DNAH17: variants seen among roughly 807,000 people sequenced by gnomAD.
DNAH17 encodes axonemal beta dynein heavy chain 17.
DNAH17 carries 376 observed loss-of-function variants against 485.6 expected under a neutral mutation model. The ratio of observed to expected loss-of-function variants is 0.77; its 90% confidence interval spans 0.71 to 0.84. The LOEUF is 0.84. DNAH17 is among the 40% of genes least tolerant of loss of function. DNAH17 has a pLI of 0.00. For synonymous variants in DNAH17, 3,031 were observed against 2,405.9 expected, an observed-to-expected ratio of 1.26 and a Z score of -7.60; for missense variants, 6,370 against 5,839.3, an observed-to-expected ratio of 1.09 and a Z score of -2.96.
chr17:78,479,445 GT>G, intron 50 of DNAH17, 39 bp downstream of exon 50: 1 of 1,572,392 alleles, frequency 6.4e-7, no homozygotes. Context: ...AGAGCCATAG[GT>G]TTTACCGATG....
chr17:78,501,362 G>T lies in DNAH17; in HGVS notation c.5323-18C>A. On this transcript the variant is annotated intron_variant, in intron 34 of 80. Coordinates refer to ENST00000389840, the MANE Select transcript of DNAH17 (RefSeq NM_173628.4). ...CTCTCCACCTGCAGGATGAGCCGGA[G>T]CTCTTGTTGCCAGGTGGAATACAAG... is the stretch of plus-strand genomic sequence containing the variant. 4.4e-6 allele frequency: 7 copies of T among 1,576,412 alleles called. No homozygotes were observed. Among genetic ancestry groups the T allele is most frequent in the Non-Finnish European group, 6.1e-6 (7 of 1,153,350 alleles).
chr17:78,510,134 A>T (rs551016041), intron 27 of DNAH17, among the ~76,000 whole-genome samples: 1 of 152,354 alleles, frequency 6.6e-6, no homozygotes, highest in Non-Finnish European at 1.5e-5. Flanking sequence ...GTGAGCCAAG[A>T]TCGTGCCACT....
chr17:78,532,981 T>C (rs2091281378), intron 19 of DNAH17: 2 of 380,548 alleles, frequency 5.3e-6, no homozygotes, highest in Non-Finnish European at 9.5e-6. Context: ...AGCCCAGAAC[T>C]CCTGGGCTCA....
At chr17:78,567,831 G>A (rs1235226981) in intron 9 of DNAH17, among the ~76,000 whole-genome samples, 1 of 152,180 alleles carries the variant, frequency 6.6e-6, no homozygotes, top group Non-Finnish European at 1.5e-5. Flanking sequence ...TTAGCTGGTT[G>A]TGTGTGTGCA....
intron 1 of DNAH17, among the ~76,000 whole-genome samples, chr17:78,575,771 A>T (rs1038294543): frequency 7.2e-5 from 11 of 152,224 alleles, no homozygotes; most frequent in African/African-American, 2.7e-4. Flanking sequence ...CTGAAGTCCC[A>T]AAGTTTAGGC....
rs145435327 is a variant in DNAH17, at chr17:78,450,691, G to C, written c.10890C>G (p.Ile3630Met). The C allele has an allele frequency of 7.4e-6, 12 of 1,612,864 alleles. No individual in the cohort carries two copies. Among genetic ancestry groups the C allele is most frequent in the African/African-American group, 6.7e-5 (5 of 75,012 alleles). Residue 3630 changes from isoleucine (I) to methionine (M), a missense_variant, in exon 67 of 81, where the codon ATC becomes ATG. By Grantham distance (10) the Ile-to-Met change is conservative (BLOSUM62 1). Coordinates refer to ENST00000389840, the MANE Select transcript of DNAH17 (RefSeq NM_173628.4). Reference protein sequence around the residue: ...LETTKHTASEIEEKVVEAKIT... With the variant: ...LETTKHTASEMEEKVVEAKIT... The stretch of plus-strand genomic sequence containing the variant: ...CCGAGGCAGCTCTGACCTTCTCCTC[G>C]ATCTCGCTGGCTGTGTGCTTGGTGG...
intron 22 of DNAH17, among the ~76,000 whole-genome samples, chr17:78,528,440 G>C (rs975800826): frequency 6.6e-6 from 1 of 152,136 alleles, no homozygotes; most frequent in African/African-American, 2.4e-5. Flanking sequence ...ATTTTTTGTA[G>C]AGACAGGGTT....
At chr17:78,486,945 T>C (rs78526818) in intron 44 of DNAH17, among the ~76,000 whole-genome samples, 4,422 of 150,854 alleles carry the variant, frequency 0.029, 222 homozygotes, top group African/African-American at 0.1. Flanking sequence ...TTACATCATC[T>C]GGACTCCTGA....
intron 18 of DNAH17, among the ~76,000 whole-genome samples, chr17:78,538,330 T>G (rs1386684493): frequency 6.6e-6 from 1 of 152,086 alleles, no homozygotes; most frequent in East Asian, 1.9e-4. Context: ...GGGCTGCAGG[T>G]GCTGCTCTGG....
intron 26 of DNAH17, among the ~76,000 whole-genome samples, chr17:78,512,129 A>G (rs939918855): frequency 6.6e-6 from 1 of 152,150 alleles, no homozygotes; most frequent in African/African-American, 2.4e-5. Context: ...GGACTTAATG[A>G]GAGATGGAGG....
At chr17:78,478,829 G>A (rs775290158) in intron 51 of DNAH17, 196 bp downstream of exon 51, 6 of 538,458 alleles carry the variant, frequency 1.1e-5, no homozygotes, top group South Asian at 5.2e-5. Context: ...CCATCATCAC[G>A]ACCATCACCA....
intron 54 of DNAH17, among the ~76,000 whole-genome samples, chr17:78,472,380 A>C (rs1224633582): frequency 6.6e-6 from 1 of 150,960 alleles, no homozygotes; most frequent in Non-Finnish European, 1.5e-5. Flanking sequence ...CGAGACACGC[A>C]GCAAGGCCTC....
In DNAH17 at chr17:78,439,003, C is replaced by T; in HGVS notation, c.11805+87G>A. ...ACATTTCTGAATGCAAACTCCACAT[C>T]CTGCTTCCTTCCGGGCCTTCTGGCC... is the stretch of plus-strand genomic sequence containing the variant. On this transcript the variant is annotated intron_variant, in intron 73 of 80. Coordinates refer to ENST00000389840, the MANE Select transcript of DNAH17 (RefSeq NM_173628.4). 3 of 1,518,444 alleles carry T rather than the reference C, an allele frequency of 2.0e-6. No individual in the cohort carries two copies. The South Asian group carries it at 3.8e-5, about 19-fold the overall frequency. The allele number at this position is 1,518,444 out of a possible 1,614,324, so 94.1% of individuals were successfully genotyped here.
At chr17:78,444,888 A>G (rs1197171353) in intron 70 of DNAH17, 91 bp from the exon 71 acceptor site, 4 of 1,300,482 alleles carry the variant, frequency 3.1e-6, no homozygotes, top group Non-Finnish European at 4.1e-6. Flanking sequence ...AGGAGAGGCC[A>G]TTACCCTCCG....
intron 80 of DNAH17, 186 bp from the exon 81 acceptor site, chr17:78,424,339 A>T: frequency 1.5e-6 from 1 of 651,892 alleles, no homozygotes; most frequent in Non-Finnish European, 2.5e-6. Context: ...TGTTGTAACT[A>T]CCCCGTCCCG....
In DNAH17 at chr17:78,449,431, C is replaced by T. The variant is rs775406791; in HGVS notation, c.11194G>A (p.Ala3732Thr). 1.2e-5 allele frequency: 18 copies of T among 1,550,404 alleles called. No homozygotes were observed. The South Asian group carries it at 2.1e-4, about 18-fold the overall frequency. Reference protein sequence around the residue: ...LFERDKLIFLAQVTFQVLSMK... With the variant: ...LFERDKLIFLTQVTFQVLSMK... ...GACATTACCTGAAACGTAACTTGTG[C>T]CAGGAAAATGAGTTTGTCCCTCTCG... The change falls in exon 69 of 81, where the codon GCA becomes ACA. Residue 3732 changes from alanine to threonine, a missense_variant. Coordinates refer to ENST00000389840, the MANE Select transcript of DNAH17 (RefSeq NM_173628.4).
chr17:78,567,297 G>A (rs1220907714), intron 9 of DNAH17, 131 bp from the exon 10 acceptor site: 2 of 862,514 alleles, frequency 2.3e-6, no homozygotes, highest in Non-Finnish European at 3.6e-6. Flanking sequence ...CAACCATGGG[G>A]GTGGGAGGAC....
chr17:78,571,778 G>A lies in DNAH17; in HGVS notation c.544C>T (p.Pro182Ser), dbSNP rs758725546. The change falls in exon 4 of 81, where the codon CCC becomes TCC. Residue 182 changes from proline to serine, a missense_variant. By Grantham distance (74) the Pro-to-Ser change is moderately conservative. Transcript: ENST00000389840. ...DGTLESMERI[P>S]SSLDNLLLHA... ...AGGAGCAAGTTGTCCAGTGAAGAGG[G>A]GATCCTGCCCAGTGGAAGGTTGGGG... 1.3e-5 allele frequency: 20 copies of A among 1,584,878 alleles called. No individual in the cohort carries two copies. The South Asian group carries it at 2.1e-4, about 17-fold the overall frequency.
At chr17:78,436,995 A>T (rs1033766281) in intron 74 of DNAH17, among the ~76,000 whole-genome samples, 3 of 152,138 alleles carry the variant, frequency 2.0e-5, no homozygotes, top group Non-Finnish European at 4.4e-5. Context: ...GATCCCAGCC[A>T]AGGAGGGTCC....
Sources: gnomAD v4.1 joint callset for allele counts (sites outside exome capture counted in the v4.1 genomes callset) on GRCh38, gnomAD v4.1.1 for gene constraint, MANE v1.5 for transcripts, NCBI Gene and HGNC (gene_info 2026-07-23, HGNC 2026-07-21) for gene names.